The following SCHIP1 variants were observed in gnomAD, a reference collection of about 807,000 sequenced individuals.
SCHIP1 encodes schwannomin interacting protein 1, also known as schwannomin-interacting protein 1.
A neutral mutation model predicts 29.7 loss-of-function variants in SCHIP1; 8 were observed. That is an observed-to-expected ratio of 0.27 (90% CI 0.16 to 0.49). SCHIP1 has a LOEUF of 0.49. Among genes scored for constraint, SCHIP1 ranks in the 20% least tolerant of loss-of-function variants. SCHIP1 has a pLI of 0.99. For synonymous variants in SCHIP1, 76 were observed against 94.9 expected, an observed-to-expected ratio of 0.80 and a Z score of 1.16; for missense variants, 193 against 294.6, an observed-to-expected ratio of 0.66 and a Z score of 2.52.
At chr3:159,591,780 C>A in the SCHIP1 span, among the ~76,000 whole-genome samples, 3 of 151,570 alleles carry the variant, frequency 2.0e-5, no homozygotes, top group African/African-American at 7.3e-5. Context: ...GGGTTGGGGT[C>A]AAGGGGAGGG....
At chr3:159,688,123 G>A in the SCHIP1 span, among the ~76,000 whole-genome samples, 2 of 152,160 alleles carry the variant, frequency 1.3e-5, no homozygotes, top group Non-Finnish European at 2.9e-5. Flanking sequence ...CCCAGTAATG[G>A]GATTGCTGGG....
the SCHIP1 span, among the ~76,000 whole-genome samples, chr3:159,428,352 A>T: frequency 2.1e-4 from 31 of 151,148 alleles, no homozygotes; most frequent in African/African-American, 6.8e-4. Flanking sequence ...TTTACAAGAA[A>T]AAAACAAACA....
the SCHIP1 span, among the ~76,000 whole-genome samples, chr3:159,805,159 A>C: frequency 2.6e-5 from 4 of 152,206 alleles, no homozygotes; most frequent in African/African-American, 9.7e-5. Context: ...GAGGAATTGA[A>C]GGTGCTCAAA....
chr3:159,838,830 C>T (rs888056744), upstream of SCHIP1, among the ~76,000 whole-genome samples: 2 of 149,530 alleles, frequency 1.3e-5, no homozygotes, highest in Non-Finnish European at 3.0e-5. Flanking sequence ...GGAGGCAGAG[C>T]TTGCAGTGAG....
At chr3:159,408,534 A>G in the SCHIP1 span, among the ~76,000 whole-genome samples, 2 of 152,156 alleles carry the variant, frequency 1.3e-5, no homozygotes, top group African/African-American at 4.8e-5. Flanking sequence ...AGAGGCTACT[A>G]TAATCAACTA....
chr3:159,801,942 T>C, the SCHIP1 span, among the ~76,000 whole-genome samples: 6 of 152,174 alleles, frequency 3.9e-5, no homozygotes, highest in Middle Eastern at 3.2e-3. Context: ...ATTAATAATA[T>C]CACTATTGTC....
chr3:159,527,153 T>A, the SCHIP1 span, among the ~76,000 whole-genome samples: 2 of 152,212 alleles, frequency 1.3e-5, no homozygotes, highest in Non-Finnish European at 2.9e-5. Context: ...GATGTTCTCT[T>A]GACAGTTGAT....
the SCHIP1 span, among the ~76,000 whole-genome samples, chr3:159,395,807 G>T: frequency 5.3e-5 from 8 of 151,878 alleles, no homozygotes; most frequent in East Asian, 1.6e-3. Flanking sequence ...TTGATTTGAG[G>T]TGGAGAGTTC....
chr3:159,420,417 A>C, the SCHIP1 span, among the ~76,000 whole-genome samples: 1 of 152,234 alleles, frequency 6.6e-6, no homozygotes, highest in Non-Finnish European at 1.5e-5. Context: ...AGATTGACGC[A>C]TCAGGTTCAC....
chr3:159,716,636 A>G, the SCHIP1 span, among the ~76,000 whole-genome samples: 14 of 152,272 alleles, frequency 9.2e-5, no homozygotes, highest in Middle Eastern at 3.4e-3. Context: ...TCAGAAGAGG[A>G]AAAGAAGGCC....
the SCHIP1 span, among the ~76,000 whole-genome samples, chr3:159,769,748 C>G: frequency 6.6e-6 from 1 of 152,016 alleles, no homozygotes; most frequent in Non-Finnish European, 1.5e-5. Flanking sequence ...GAAGCTTCGT[C>G]TCAAAAATTA....
chr3:159,393,991 G>T, the SCHIP1 span, among the ~76,000 whole-genome samples: 1 of 151,890 alleles, frequency 6.6e-6, no homozygotes, highest in African/African-American at 2.4e-5. Flanking sequence ...TTATCTCATT[G>T]AGCAATGGTT....
the SCHIP1 span, among the ~76,000 whole-genome samples, chr3:159,687,401 T>C: frequency 3.9e-5 from 6 of 152,318 alleles, no homozygotes; most frequent in Middle Eastern, 6.8e-3. Context: ...TATTCTATGT[T>C]TACTGAAGAA....
chr3:159,690,786 G>A, the SCHIP1 span, among the ~76,000 whole-genome samples: 18 of 152,144 alleles, frequency 1.2e-4, no homozygotes, highest in Admixed American at 2.0e-4. Context: ...AGAGATTCTG[G>A]TGTGTTGTGT....
At chr3:159,849,947 T>C (rs1287455004) in intron 1 of SCHIP1, among the ~76,000 whole-genome samples, 2 of 152,202 alleles carry the variant, frequency 1.3e-5, no homozygotes, top group African/African-American at 4.8e-5. Flanking sequence ...AAGGCAGTGT[T>C]CTACATGCTA....
chr3:159,485,038 C>T, the SCHIP1 span, among the ~76,000 whole-genome samples: 28 of 152,268 alleles, frequency 1.8e-4, no homozygotes, highest in Middle Eastern at 3.4e-3. Context: ...ACAGAACAAG[C>T]GCCAGACTTT....
the SCHIP1 span, among the ~76,000 whole-genome samples, chr3:159,592,177 G>A: frequency 8.5e-5 from 13 of 152,192 alleles, no homozygotes; most frequent in Non-Finnish European, 1.8e-4. Context: ...CTACTGAACT[G>A]AAATGGGATC....
At chr3:159,887,997 T>C in intron 4 of SCHIP1, 92 bp downstream of exon 5, 1 of 1,520,710 alleles carries the variant, frequency 6.6e-7, no homozygotes, top group South Asian at 1.2e-5. Context: ...TGCAAACTTG[T>C]GTTTCTCTAA....
intron 2 of SCHIP1, among the ~76,000 whole-genome samples, chr3:159,880,842 G>T (rs918922157): frequency 3.9e-5 from 6 of 152,166 alleles, no homozygotes; most frequent in Admixed American, 6.5e-5. Context: ...GATGATTTTT[G>T]TTGGACCAGC....
Sources: allele counts gnomAD v4.1 joint callset (sites outside exome capture counted in the v4.1 genomes callset), GRCh38; gene constraint gnomAD v4.1.1; transcripts MANE v1.5; gene names NCBI Gene and HGNC (gene_info 2026-07-23, HGNC 2026-07-21).